The following CCNT1 variants were observed in gnomAD, a reference collection of about 807,000 sequenced individuals.
CCNT1 encodes the protein cyclin T1.
Under a neutral mutation model 67.3 loss-of-function variants are expected in CCNT1, and 18 were observed. The ratio of observed to expected loss-of-function variants is 0.27; its 90% CI spans 0.18 to 0.40. The LOEUF (loss-of-function observed/expected upper bound fraction) is 0.40. CCNT1 is among the 10% of genes least tolerant of loss of function. The pLI, the probability that CCNT1 is intolerant of heterozygous loss-of-function variation, is 1.00. For missense variants in CCNT1, 744 were observed against 884.9 expected (o/e 0.84, Z 2.02); for synonymous variants, 333 against 310.3 (o/e 1.07, Z -0.77).
intron 1 of CCNT1, among the ~76,000 whole-genome samples, 191 bp downstream of exon 1, chr12:48,716,324 G>A (rs151164720): frequency 9.9e-4 from 151 of 152,376 alleles, no homozygotes; most frequent in African/African-American, 3.5e-3. Flanking sequence ...GAGCGAGCGG[G>A]AAATCAACTC....
chr12:48,693,672 T>C lies in CCNT1; in HGVS notation c.1542A>G (p.Pro514=). 6.2e-7 allele frequency: 1 copy of C among 1,614,114 alleles called. No individual in the cohort carries two copies. The highest frequency in any genetic ancestry group is 8.5e-7 in the Non-Finnish European group (1 of 1,180,028). The change falls in exon 9 of 9, where the codon CCA becomes CCG. Residue 514 remains proline (P), a synonymous_variant. Coordinates refer to ENST00000261900, the MANE Select transcript of CCNT1 (RefSeq NM_001240.4). ...GATTATGATGATGATGATGATTAGA[T>C]GGGTGAGTCTTGTGCTTTTCTTTGT... ...REHKEKHKTH[P]SNHHHHHNHH...
intron 7 of CCNT1, 44 bp downstream of exon 7, chr12:48,695,955 A>T: frequency 6.2e-7 from 1 of 1,607,996 alleles, no homozygotes; most frequent in Non-Finnish European, 8.5e-7. Context: ...TATGTGACAG[A>T]TCAACAGCAA....
chr12:48,704,156 T>C (rs1472566220), intron 3 of CCNT1, among the ~76,000 whole-genome samples: 2 of 152,110 alleles, frequency 1.3e-5, no homozygotes, highest in Non-Finnish European at 2.9e-5. Flanking sequence ...CACATAGCTA[T>C]CTATAGAAAA....
chr12:48,692,662 C>T lies in CCNT1; in HGVS notation c.*371G>A, dbSNP rs1050463784. 2.8e-5 allele frequency: 5 copies of T among 177,880 alleles called. No homozygotes were observed. The highest frequency in any genetic ancestry group is 2.2e-4 in the Admixed American group (4 of 18,172). 11.0% of individuals were successfully genotyped at this position (177,880 alleles called of 1,614,324 possible). Reference sequence around the variant, plus strand: ...TTCCTCTCTTCTGATATATTAAACACCGAAAGGATCCACAATTGTCTGATA... The same window carrying T: ...TTCCTCTCTTCTGATATATTAAACATCGAAAGGATCCACAATTGTCTGATA... On this transcript the variant is annotated 3_prime_UTR_variant, in exon 9 of 9. Transcript: ENST00000261900.
At chr12:48,709,416 A>G (rs1367458748) in intron 2 of CCNT1, among the ~76,000 whole-genome samples, 2 of 152,220 alleles carry the variant, frequency 1.3e-5, no homozygotes, top group African/African-American at 4.8e-5. Context: ...TACTCTGGGC[A>G]CAGCAATTCC....
intron 6 of CCNT1, among the ~76,000 whole-genome samples, chr12:48,697,532 AAAAT>A (rs1442608731): frequency 1.2e-4 from 14 of 119,192 alleles, no homozygotes; most frequent in African/African-American, 3.9e-4. Context: ...TAAAAAAAAA[AAAAT>A]ATATATATAT....
At chr12:48,704,683 C>T (rs1472598705) in intron 3 of CCNT1, among the ~76,000 whole-genome samples, 1 of 152,136 alleles carries the variant, frequency 6.6e-6, no homozygotes, top group African/African-American at 2.4e-5. Context: ...GTGGTGCACA[C>T]CTGTAGTCCC....
intron 4 of CCNT1, 88 bp downstream of exon 4, chr12:48,700,925 G>T: frequency 1.3e-6 from 1 of 762,588 alleles, no homozygotes; most frequent in South Asian, 1.9e-5. Flanking sequence ...ACTTTCCCAA[G>T]AAATATTCTT....
chr12:48,700,094 C>T (rs571292151), intron 4 of CCNT1, among the ~76,000 whole-genome samples: 6 of 151,948 alleles, frequency 3.9e-5, no homozygotes, highest in Admixed American at 2.6e-4. Flanking sequence ...CCGAGGCGAG[C>T]GGATCACAAG....
Position 48,693,795 on chromosome 12 carries a change from C to A in CCNT1, c.1419G>T (p.Ala473=). The A allele has an allele frequency of 6.2e-7, 1 of 1,613,966 alleles. No homozygotes were observed. Among genetic ancestry groups the A allele is most frequent in the South Asian group, 1.1e-5 (1 of 91,066 alleles). ...RIPVAGGDKA[A]SSKPEEIKMR... The stretch of plus-strand genomic sequence containing the variant: ...TTTTTATCTCCTCTGGTTTTGAAGA[C>A]GCAGCTTTATCTCCACCTGCCACTG... The change falls in exon 9 of 9, where the codon GCG becomes GCT. Residue 473 remains alanine (A), a synonymous_variant. Transcript: ENST00000261900.
intron 8 of CCNT1, among the ~76,000 whole-genome samples, chr12:48,695,261 T>C (rs903404257): frequency 2.0e-5 from 3 of 152,242 alleles, no homozygotes; most frequent in African/African-American, 7.2e-5. Flanking sequence ...ACAAGTTTTA[T>C]ATCTGACAGA....
chr12:48,712,531 T>C (rs1248501496), intron 2 of CCNT1, among the ~76,000 whole-genome samples: 1 of 129,438 alleles, frequency 7.7e-6, no homozygotes, highest in African/African-American at 2.9e-5. Flanking sequence ...CCTAAAGTTG[T>C]GGGATTATAG....
intron 8 of CCNT1, among the ~76,000 whole-genome samples, chr12:48,695,315 A>G (rs190400867): frequency 8.2e-4 from 125 of 152,374 alleles, no homozygotes; most frequent in Non-Finnish European, 1.7e-3. Flanking sequence ...GGCTTTGACA[A>G]GTATTTGAAA....
Position 48,695,780 on chromosome 12 carries a change from G to C in CCNT1, c.756C>G (p.Leu252=). The C allele has an allele frequency of 1.2e-6, 2 of 1,612,330 alleles. No individual in the cohort carries two copies. The highest frequency in any genetic ancestry group is 3.3e-4 in the Middle Eastern group (2 of 6,048). Residue 252 remains leucine (L), a synonymous_variant, in exon 8 of 9, where the codon CTC becomes CTG. Coordinates refer to ENST00000261900, the MANE Select transcript of CCNT1 (RefSeq NM_001240.4). ...TTACCCTCCAATTCCAAATGCGTTT[G>C]AGCCTGTTGGGAGTTTTCTCCAAAA... The part of the protein sequence containing the change: ...LQILEKTPNR[L]KRIWNWRACE...
chr12:48,713,224 G>A (rs11168697), intron 2 of CCNT1, among the ~76,000 whole-genome samples: 41,119 of 145,570 alleles, frequency 0.28, 6,958 homozygotes, highest in East Asian at 0.76. Context: ...TTGTAGAAAC[G>A]GGGTCTCACC....
intron 7 of CCNT1, 81 bp downstream of exon 7, chr12:48,695,918 A>T: frequency 6.4e-7 from 1 of 1,552,004 alleles, no homozygotes; most frequent in Non-Finnish European, 8.9e-7. Flanking sequence ...AACTATTTTC[A>T]TCTGAATCAA....
intron 2 of CCNT1, 62 bp from the exon 3 acceptor site, chr12:48,705,958 A>G: frequency 1.3e-6 from 2 of 1,483,230 alleles, no homozygotes; most frequent in Non-Finnish European, 1.8e-6. Flanking sequence ...AGTAAGGTAG[A>G]TCTAAAGAGG....
At chr12:48,698,263 A>C in intron 5 of CCNT1, 80 bp from the exon 6 acceptor site, 1 of 1,032,372 alleles carries the variant, frequency 9.7e-7, no homozygotes, top group Non-Finnish European at 1.4e-6. Context: ...ATATTTAGTA[A>C]GCATTTAATA....
At chr12:48,698,298 G>A (rs923851805) in intron 5 of CCNT1, 115 bp from the exon 6 acceptor site, 4 of 671,220 alleles carry the variant, frequency 6.0e-6, no homozygotes, top group Non-Finnish European at 9.9e-6. Flanking sequence ...TGAATATAGT[G>A]GCAAATGAGA....
Sources: allele counts gnomAD v4.1 joint callset (sites outside exome capture counted in the v4.1 genomes callset), GRCh38; gene constraint gnomAD v4.1.1; transcripts MANE v1.5; gene names NCBI Gene and HGNC (gene_info 2026-07-23, HGNC 2026-07-21).